KLKB1: variants seen among roughly 807,000 people sequenced by gnomAD.
KLKB1 encodes the protein plasma kallikrein.
Under a neutral mutation model 73.6 loss-of-function variants are expected in KLKB1, and 58 were observed. The observed-to-expected ratio is 0.79, with a 90% CI of 0.64 to 0.98. The LOEUF is 0.98. Ranked by LOEUF, KLKB1 falls within the 50% of genes least tolerant of loss-of-function variation. The probability of loss-of-function intolerance (pLI) is 0.00; values close to 1 mark genes in which losing one functional copy is unlikely to be tolerated. For missense variants in KLKB1, 737 were observed against 763.8 expected, an observed-to-expected ratio of 0.96 and a Z score of 0.41; for synonymous variants, 280 against 258.1, an observed-to-expected ratio of 1.08 and a Z score of -0.81.
chr4:186,214,444 A>G (rs1736830675), intron 2 of KLKB1, among the ~76,000 whole-genome samples: 1 of 152,212 alleles, frequency 6.6e-6, no homozygotes, highest in Non-Finnish European at 1.5e-5. Flanking sequence ...ATATGATCTT[A>G]GGTCTTCACC....
intron 4 of KLKB1, among the ~76,000 whole-genome samples, chr4:186,235,746 T>C (rs1344714599): frequency 1.3e-5 from 2 of 152,060 alleles, no homozygotes; most frequent in African/African-American, 4.8e-5. Context: ...AATAAAACTT[T>C]AAAAAAGTAT....
chr4:186,237,489 C>T (rs1737758445), intron 5 of KLKB1, among the ~76,000 whole-genome samples: 1 of 152,186 alleles, frequency 6.6e-6, no homozygotes, highest in Non-Finnish European at 1.5e-5. Context: ...CAAAGCCTGA[C>T]ATCCTCTTCC....
intron 6 of KLKB1, among the ~76,000 whole-genome samples, chr4:186,245,213 T>G (rs941080267): frequency 6.6e-6 from 1 of 152,268 alleles, no homozygotes; most frequent in Admixed American, 6.5e-5. Flanking sequence ...ACAACAGTTA[T>G]GGAGGCAAGG....
intron 2 of KLKB1, among the ~76,000 whole-genome samples, chr4:186,229,236 A>G (rs946376199): frequency 6.6e-6 from 1 of 152,206 alleles, no homozygotes; most frequent in Non-Finnish European, 1.5e-5. Context: ...AAAATAAATC[A>G]TGATTATGGC....
At chr4:186,256,152 G>A (rs995129548) in intron 13 of KLKB1, 65 bp downstream of exon 13, 2 of 1,005,996 alleles carry the variant, frequency 2.0e-6, no homozygotes, top group African/African-American at 3.2e-5. Flanking sequence ...CATGGAGTGG[G>A]TCGTTTTAAT....
chr4:186,246,359 T>C (rs1411070475), intron 6 of KLKB1, among the ~76,000 whole-genome samples: 2 of 151,764 alleles, frequency 1.3e-5, no homozygotes, highest in Non-Finnish European at 2.9e-5. Flanking sequence ...AGAAGGAAGA[T>C]TTGGGACAAG....
intron 7 of KLKB1, chr4:186,250,900 T>TATC (rs1454545914): frequency 1.0e-4 from 38 of 380,236 alleles, no homozygotes; most frequent in African/African-American, 7.9e-4. Flanking sequence ...AGTTATGTAA[T>TATC]ATCATCGGCA....
intron 2 of KLKB1, among the ~76,000 whole-genome samples, chr4:186,231,453 A>G (rs1034451009): frequency 3.9e-5 from 6 of 152,270 alleles, no homozygotes; most frequent in African/African-American, 1.4e-4. Flanking sequence ...TTTATTTTCA[A>G]TTTAGCATAT....
chr4:186,251,471 T>C lies in KLKB1; in HGVS notation c.869-16T>C. Reference sequence around the variant, plus strand: ...TTTTCCCATCTGATATCTTTTTGTGTTTATAATTGACACAGAACCCTGCCA... The same window carrying C: ...TTTTCCCATCTGATATCTTTTTGTGCTTATAATTGACACAGAACCCTGCCA... On this transcript the variant is annotated splice_polypyrimidine_tract_variant and intron_variant, in intron 8 of 14. Coordinates refer to ENST00000264690, the MANE Select transcript of KLKB1 (RefSeq NM_000892.5). 1 of 1,612,360 alleles carries C rather than the reference T, an allele frequency of 6.2e-7. No homozygotes were observed. Among genetic ancestry groups the C allele is most frequent in the Non-Finnish European group, 8.5e-7 (1 of 1,178,466 alleles).
intron 2 of KLKB1, among the ~76,000 whole-genome samples, chr4:186,229,247 TA>T (rs1737282926): frequency 6.6e-6 from 1 of 152,178 alleles, no homozygotes; most frequent in African/African-American, 2.4e-5. Context: ...TGATTATGGC[TA>T]GGAAAATCAG....
In KLKB1 at chr4:186,236,848, C is replaced by T. The variant is rs1360811639; in HGVS notation, c.396C>T (p.Ser132=). 1 of 1,613,772 alleles carries T rather than the reference C, an allele frequency of 6.2e-7. No individual in the cohort carries two copies. The highest frequency in any genetic ancestry group is 1.1e-5 in the South Asian group (1 of 91,070). The change falls in exon 5 of 15, where the codon AGC becomes AGT. Residue 132 remains serine (S), a synonymous_variant. Coordinates refer to ENST00000264690, the MANE Select transcript of KLKB1 (RefSeq NM_000892.5). ...TCAATTTTAATGTGTCTAAGGTTAG[C>T]AGTGTTGAAGAATGCCAAAAAAGGT... The part of the protein sequence containing the change: ...RGVNFNVSKV[S]SVEECQKRCT...
At chr4:186,222,645 T>G (rs1397756010), upstream of KLKB1, among the ~76,000 whole-genome samples, 2 of 152,230 alleles carry the variant, frequency 1.3e-5, no homozygotes, top group African/African-American at 4.8e-5. Flanking sequence ...TTGTTAATAC[T>G]TTTGTTTTTT....
intron 6 of KLKB1, among the ~76,000 whole-genome samples, chr4:186,241,091 T>A (rs1422878776): frequency 6.6e-6 from 1 of 152,126 alleles, no homozygotes; most frequent in Non-Finnish European, 1.5e-5. Flanking sequence ...TCAGGTGGTG[T>A]TTTGAGCTGC....
intron 5 of KLKB1, 119 bp downstream of exon 5, chr4:186,237,059 T>A: frequency 1.1e-6 from 1 of 870,774 alleles, no homozygotes; most frequent in Non-Finnish European, 1.9e-6. Context: ...TCTAACCACT[T>A]TCCTCATTTA....
intron 2 of KLKB1, among the ~76,000 whole-genome samples, chr4:186,217,156 C>T (rs1040402937): frequency 6.6e-6 from 1 of 152,118 alleles, no homozygotes; most frequent in South Asian, 2.1e-4. Context: ...ACATGTTTCA[C>T]TGTAAGAAAA....
chr4:186,254,506 TGAAA>T, intron 11 of KLKB1, 78 bp from the exon 12 acceptor site: 5 of 1,172,158 alleles, frequency 4.3e-6, no homozygotes, highest in South Asian at 2.4e-5. Flanking sequence ...CCCAGTTCTT[TGAAA>T]GAGAGTGATA....
upstream of KLKB1, among the ~76,000 whole-genome samples, chr4:186,223,222 T>C (rs1737068337): frequency 6.6e-6 from 1 of 152,104 alleles, no homozygotes. Context: ...TTTAGCAGTG[T>C]GAAAATAAAC....
In KLKB1 at chr4:186,250,391, C is replaced by T. The variant is rs757891885; in HGVS notation, c.747C>T (p.Ile249=). The change falls in exon 7 of 15, where the codon ATC becomes ATT. Residue 249 remains isoleucine (I), a synonymous_variant. Coordinates refer to ENST00000264690, the MANE Select transcript of KLKB1 (RefSeq NM_000892.5). ...CATTCTATACAAATGTATGGAAAAT[C>T]GAGTCACAAAGGCGAGTATGCATGG... ...FFTFYTNVWK[I]ESQRNVCLLK... The T allele has an allele frequency of 4.4e-5, 71 of 1,613,964 alleles. No individual in the cohort carries two copies. The Admixed American group carries it at 5.0e-4, about 11-fold the overall frequency.
intron 2 of KLKB1, among the ~76,000 whole-genome samples, chr4:186,219,647 C>T (rs538964526): frequency 5.6e-4 from 85 of 152,248 alleles, no homozygotes; most frequent in Non-Finnish European, 7.8e-4. Flanking sequence ...TGGGCATAGC[C>T]GGTATTGATG....
Sources: allele counts gnomAD v4.1 joint callset (sites outside exome capture counted in the v4.1 genomes callset), GRCh38; gene constraint gnomAD v4.1.1; transcripts MANE v1.5; gene names NCBI Gene and HGNC (gene_info 2026-07-23, HGNC 2026-07-21).